The following SULT2B1 variants were observed in gnomAD, a reference collection of about 807,000 sequenced individuals.
SULT2B1 encodes the protein sulfotransferase family 2B member 1.
A neutral mutation model predicts 33.2 loss-of-function variants in SULT2B1; 16 were observed. The ratio of observed to expected loss-of-function variants is 0.48; its 90% CI spans 0.33 to 0.73. The LOEUF is 0.73. SULT2B1 is among the 30% of genes least tolerant of loss of function. SULT2B1 has a pLI of 0.02. For synonymous variants in SULT2B1, 186 were observed against 200.5 expected (o/e 0.93, Z 0.61); for missense variants, 500 against 506.0 (o/e 0.99, Z 0.11).
intron 3 of SULT2B1, among the ~76,000 whole-genome samples, chr19:48,589,447 C>T (rs1973614591): frequency 6.6e-6 from 1 of 152,124 alleles, no homozygotes; most frequent in Admixed American, 6.6e-5. Context: ...CTGACACGTC[C>T]ATTTGCAATT....
At chr19:48,559,036 G>GAAA (rs1452510417) in intron 1 of SULT2B1, among the ~76,000 whole-genome samples, 1 of 152,036 alleles carries the variant, frequency 6.6e-6, no homozygotes, top group East Asian at 1.9e-4. Flanking sequence ...AAACAATTAA[G>GAAA]AAATAATAAG....
chr19:48,556,034 C>T (rs2147594857), intron 1 of SULT2B1, among the ~76,000 whole-genome samples: 1 of 152,282 alleles, frequency 6.6e-6, no homozygotes, highest in Non-Finnish European at 1.5e-5. Context: ...GCCACCGCGC[C>T]CGGCCTAATT....
At chr19:48,574,697 A>C (rs986668104) in intron 1 of SULT2B1, among the ~76,000 whole-genome samples, 1 of 152,220 alleles carries the variant, frequency 6.6e-6, no homozygotes, top group Non-Finnish European at 1.5e-5. Flanking sequence ...ATGACAGATG[A>C]GGAAACTGAG....
At chr19:48,580,936 C>T (rs938035410) in intron 2 of SULT2B1, among the ~76,000 whole-genome samples, 1 of 150,258 alleles carries the variant, frequency 6.7e-6, no homozygotes, top group African/African-American at 2.5e-5. Context: ...TAGGTGCCTA[C>T]TGGTGTTTCA....
intron 5 of SULT2B1, chr19:48,595,713 G>A (rs921287731): frequency 6.8e-6 from 1 of 148,134 alleles, no homozygotes; most frequent in African/African-American, 2.6e-5. Flanking sequence ...TGCCACCCAG[G>A]CTGTAGTATA....
chr19:48,579,547 G>A (rs1435173386), intron 2 of SULT2B1, among the ~76,000 whole-genome samples: 2 of 149,920 alleles, frequency 1.3e-5, no homozygotes, highest in Non-Finnish European at 3.0e-5. Flanking sequence ...CTCCCAAAGT[G>A]CTGGGATTAC....
chr19:48,579,283 CT>C (rs142498510), intron 2 of SULT2B1, among the ~76,000 whole-genome samples: 22,843 of 136,182 alleles, frequency 0.17, 1,175 homozygotes, highest in East Asian at 0.36. Context: ...CATGCAAGTT[CT>C]TTTTTTTTTT....
intron 5 of SULT2B1, among the ~76,000 whole-genome samples, chr19:48,593,023 G>A (rs1458123646): frequency 6.6e-6 from 1 of 152,172 alleles, no homozygotes; most frequent in Non-Finnish European, 1.5e-5. Flanking sequence ...AGGCTGGCGG[G>A]GCAGAGGAGC....
chr19:48,572,921 C>T (rs532840728), intron 1 of SULT2B1, among the ~76,000 whole-genome samples: 13 of 152,176 alleles, frequency 8.5e-5, no homozygotes, highest in African/African-American at 3.1e-4. Context: ...CTTTGGGAGG[C>T]TGAGGCAGGC....
rs1601081454 is a variant in SULT2B1, at chr19:48,552,730, G to A, written c.71+407G>A. 6.6e-6 allele frequency among the ~76,000 whole-genome samples: 1 copy of A among 152,274 alleles called. No homozygotes were observed. The highest frequency in any genetic ancestry group is 2.1e-4 in the South Asian group (1 of 4,822). Reference sequence around the variant, plus strand: ...CCATGCAAGCCCTGAAATAACGGGGGTGCTTGGGGGTGAAATGGGAGAGAC... The same window carrying A: ...CCATGCAAGCCCTGAAATAACGGGGATGCTTGGGGGTGAAATGGGAGAGAC... On this transcript the variant is annotated intron_variant, in intron 1 of 6. Coordinates refer to ENST00000201586, the MANE Select transcript of SULT2B1 (RefSeq NM_177973.2). The surrounding 1 kb of genome is among the most constrained non-coding windows in gnomAD (Gnocchi z 4.8).
intron 1 of SULT2B1, among the ~76,000 whole-genome samples, chr19:48,575,159 A>T (rs1479767810): frequency 1.7e-5 from 2 of 115,338 alleles, no homozygotes; most frequent in Non-Finnish European, 3.2e-5. Context: ...CCTGGGCTGG[A>T]GTGCAATGGC....
intron 2 of SULT2B1, among the ~76,000 whole-genome samples, chr19:48,581,890 ATATTAT>A (rs71335807): frequency 1.5e-3 from 205 of 137,688 alleles, no homozygotes; most frequent in South Asian, 1.8e-3. Context: ...TATTATTATT[ATATTAT>A]TATTATTATT....
chr19:48,596,664 A>G (rs1250750577), intron 5 of SULT2B1, 75 bp from the exon 6 acceptor site: 1 of 1,449,632 alleles, frequency 6.9e-7, no homozygotes, highest in Non-Finnish European at 9.2e-7. Context: ...GGACCCAGAC[A>G]TGCGGATCCC....
intron 1 of SULT2B1, among the ~76,000 whole-genome samples, chr19:48,573,408 C>T (rs145639866): frequency 3.3e-5 from 5 of 152,210 alleles, no homozygotes; most frequent in East Asian, 1.9e-4. Context: ...TGTTTGTCTA[C>T]GTCCCAGGCG....
At chr19:48,554,002 C>G (rs1252335290) in intron 1 of SULT2B1, among the ~76,000 whole-genome samples, 1 of 152,084 alleles carries the variant, frequency 6.6e-6, no homozygotes, top group Non-Finnish European at 1.5e-5. Flanking sequence ...GCTCTGCCAG[C>G]TGGTCATAAA....
intron 1 of SULT2B1, among the ~76,000 whole-genome samples, chr19:48,573,071 C>T (rs191204948): frequency 2.6e-5 from 4 of 150,946 alleles, no homozygotes; most frequent in Admixed American, 6.6e-5. Flanking sequence ...GCAGGAGAAT[C>T]GCTTGAACTT....
chr19:48,580,966 T>G (rs1188469218), intron 2 of SULT2B1, among the ~76,000 whole-genome samples: 1 of 151,404 alleles, frequency 6.6e-6, no homozygotes, highest in Non-Finnish European at 1.5e-5. Context: ...TAATTTGCAT[T>G]TCCCTAACAG....
chr19:48,569,671 TGG>T (rs146194361), intron 1 of SULT2B1, among the ~76,000 whole-genome samples: 81 of 133,692 alleles, frequency 6.1e-4, no homozygotes, highest in Admixed American at 9.6e-4. Context: ...GCCTCAAGAT[TGG>T]TTTTTTGTTC....
chr19:48,571,377 A>T (rs907282350), intron 1 of SULT2B1, among the ~76,000 whole-genome samples: 11 of 151,166 alleles, frequency 7.3e-5, no homozygotes, highest in African/African-American at 2.4e-4. Context: ...TTGTATTTTT[A>T]GTAGAGATGG....
Sources: gnomAD v4.1 joint callset for allele counts (sites outside exome capture counted in the v4.1 genomes callset) on GRCh38, gnomAD v4.1.1 for gene constraint, Gnocchi (gnomAD v3.1) non-coding constraint, MANE v1.5 for transcripts, NCBI Gene and HGNC (gene_info 2026-07-23, HGNC 2026-07-21) for gene names.